MAGI2: variants seen among roughly 807,000 people sequenced by gnomAD.
MAGI2 encodes membrane associated guanylate kinase, WW and PDZ domain containing 2, also known as membrane-associated guanylate kinase, WW and PDZ domain-containing protein 2.
MAGI2 carries 35 observed loss-of-function variants against 133.3 expected under a neutral mutation model. That is an observed-to-expected ratio of 0.26 (90% CI 0.20 to 0.35). The LOEUF (loss-of-function observed/expected upper bound fraction) is 0.35. Among genes scored for constraint, MAGI2 ranks in the 10% least tolerant of loss-of-function variants. The probability of loss-of-function intolerance (pLI) is 1.00; values close to 1 mark genes in which losing one functional copy is unlikely to be tolerated. For synonymous variants in MAGI2, 729 were observed against 710.6 expected (o/e 1.03, Z -0.41); for missense variants, 1,636 against 1,863.4 (o/e 0.88, Z 2.25).
intron 2 of MAGI2, among the ~76,000 whole-genome samples, chr7:78,812,673 T>G (rs16886362): frequency 2.0e-5 from 3 of 152,106 alleles, no homozygotes; most frequent in Admixed American, 2.0e-4. Flanking sequence ...ACTGGAATAC[T>G]TGATGCTTTC....
intron 2 of MAGI2, among the ~76,000 whole-genome samples, chr7:78,628,377 A>G (rs952790113): frequency 5.3e-5 from 8 of 152,192 alleles, no homozygotes; most frequent in African/African-American, 1.7e-4. Flanking sequence ...ATGCTAAAAA[A>G]GTATTTTAAA....
At chr7:79,052,120 A>G (rs560581743) in intron 1 of MAGI2, among the ~76,000 whole-genome samples, 4 of 152,342 alleles carry the variant, frequency 2.6e-5, no homozygotes, top group Admixed American at 1.3e-4. Context: ...GGGAAAGTAC[A>G]GAAGACACAC....
At chr7:78,163,429 G>A (rs775421809) in intron 15 of MAGI2, among the ~76,000 whole-genome samples, 10 of 152,050 alleles carry the variant, frequency 6.6e-5, no homozygotes, top group East Asian at 1.9e-4. Flanking sequence ...GTGAGCCACC[G>A]TGCCTGGCCT....
intron 1 of MAGI2, among the ~76,000 whole-genome samples, chr7:79,096,785 CT>C (rs1249899923): frequency 1.3e-5 from 2 of 152,190 alleles, no homozygotes; most frequent in African/African-American, 4.8e-5. Flanking sequence ...TCTGCTACCC[CT>C]TCCTCCAGAG....
rs138400238 is a variant in MAGI2, at chr7:78,480,602, T to C, written c.1045+9159A>G. Among the ~76,000 whole-genome samples the C allele has an allele frequency of 2.4e-3, 368 of 152,078 alleles. 2 individuals are homozygous for C. Among genetic ancestry groups the C allele is most frequent in the African/African-American group, 8.5e-3 (353 of 41,544 alleles). On this transcript the variant is annotated intron_variant, in intron 6 of 21. Coordinates refer to ENST00000354212, the MANE Select transcript of MAGI2 (RefSeq NM_012301.4). ...AATATTTGAAAATCACTCAATGTAA[T>C]CTACCATGTCAACAGCTTAAATAAG...
At chr7:78,501,497 TTTC>T (rs199544808) in intron 5 of MAGI2, 77 bp downstream of exon 5, 1,715 of 1,245,508 alleles carry the variant, frequency 1.4e-3, no homozygotes, top group East Asian at 2.5e-3. Context: ...TTTTTTTTTT[TTTC>T]CACGTCTAAC....
intron 2 of MAGI2, among the ~76,000 whole-genome samples, chr7:78,826,433 A>AT (rs1233133197): frequency 6.6e-6 from 1 of 151,994 alleles, no homozygotes; most frequent in Non-Finnish European, 1.5e-5. Context: ...TAGGATCCTA[A>AT]TTTTTTGACA....
In MAGI2 at chr7:78,195,010, C is replaced by G. The variant is rs765541438; in HGVS notation, c.2133G>C (p.Pro711=). ...GGAAGGGCAGGTTCTGCGGTATGGC[C>G]GGAGCAGATAAACTCGTTTGAGGAC... ...QGSPQTSLSA[P]AIPQNLPFPP... The change falls in exon 12 of 22, where the codon CCG becomes CCC. Residue 711 remains proline, a synonymous_variant. Transcript: ENST00000354212. 6.2e-7 allele frequency: 1 copy of G among 1,613,812 alleles called. No homozygotes were observed. Among genetic ancestry groups the G allele is most frequent in the South Asian group, 1.1e-5 (1 of 91,028 alleles).
chr7:78,368,160 A>G (rs995028280), intron 7 of MAGI2, among the ~76,000 whole-genome samples: 2 of 152,232 alleles, frequency 1.3e-5, no homozygotes, highest in African/African-American at 4.8e-5. Flanking sequence ...TCAAGGGCAG[A>G]GAGCACACAG....
At chr7:78,288,583 T>C (rs1401627173) in intron 9 of MAGI2, among the ~76,000 whole-genome samples, 1 of 152,026 alleles carries the variant, frequency 6.6e-6, no homozygotes, top group Non-Finnish European at 1.5e-5. Flanking sequence ...CATTTCCAAC[T>C]GAGCTTTGAA....
At chr7:78,658,982 A>C (rs890022791) in intron 2 of MAGI2, among the ~76,000 whole-genome samples, 6 of 152,178 alleles carry the variant, frequency 3.9e-5, no homozygotes, top group African/African-American at 1.2e-4. Flanking sequence ...TCCCAGGGAA[A>C]TGACAAGTTA....
At chr7:79,434,729 G>A (rs1397394901) in intron 1 of MAGI2, among the ~76,000 whole-genome samples, 1 of 152,162 alleles carries the variant, frequency 6.6e-6, no homozygotes, top group Non-Finnish European at 1.5e-5. Context: ...GGTTCTTAAA[G>A]TGTGCGACGG....
At chr7:78,690,832 G>C (rs1816878360) in intron 2 of MAGI2, among the ~76,000 whole-genome samples, 1 of 152,110 alleles carries the variant, frequency 6.6e-6, no homozygotes, top group Non-Finnish European at 1.5e-5. Flanking sequence ...ACTCTAAATG[G>C]AGTACTCAGC....
chr7:78,828,123 G>A (rs1212855319), intron 2 of MAGI2, among the ~76,000 whole-genome samples: 1 of 152,130 alleles, frequency 6.6e-6, no homozygotes, highest in African/African-American at 2.4e-5. Flanking sequence ...GACCTCAAGT[G>A]ATCCACCCGC....
chr7:78,167,905 C>T lies in MAGI2; in HGVS notation c.2596+11G>A, dbSNP rs1237544618. 2.5e-6 allele frequency: 4 copies of T among 1,610,582 alleles called. No individual in the cohort carries two copies. Among genetic ancestry groups the T allele is most frequent in the East Asian group, 2.2e-5 (1 of 44,784 alleles). On this transcript the variant is annotated intron_variant, in intron 15 of 21. Transcript: ENST00000354212. Reference sequence around the variant, plus strand: ...AACCCTCGATTCCTGCAGCAGGCTCCAGGTACATACCTCCACATAGCACCT... The same window carrying T: ...AACCCTCGATTCCTGCAGCAGGCTCTAGGTACATACCTCCACATAGCACCT...
chr7:79,021,907 G>A (rs1809368612), intron 1 of MAGI2, among the ~76,000 whole-genome samples: 1 of 152,158 alleles, frequency 6.6e-6, no homozygotes, highest in Non-Finnish European at 1.5e-5. Context: ...GGGACCAGGT[G>A]GAGATAATTG....
At chr7:79,124,149 A>G (rs899508210) in intron 1 of MAGI2, among the ~76,000 whole-genome samples, 2 of 152,244 alleles carry the variant, frequency 1.3e-5, no homozygotes, top group Admixed American at 1.3e-4. Flanking sequence ...TTATCTCTAA[A>G]GAAATTCTAA....
intron 1 of MAGI2, among the ~76,000 whole-genome samples, chr7:79,223,097 G>A (rs1428348183): frequency 2.0e-5 from 3 of 151,982 alleles, no homozygotes; most frequent in African/African-American, 4.8e-5. Flanking sequence ...GTGTTAGCCA[G>A]GATGGTCTCG....
At chr7:79,256,713 A>T (rs1833709472) in intron 1 of MAGI2, among the ~76,000 whole-genome samples, 1 of 151,712 alleles carries the variant, frequency 6.6e-6, no homozygotes, top group Non-Finnish European at 1.5e-5. Flanking sequence ...CTAGTCTCAA[A>T]CTTCTGGGCT....
Sources: allele counts gnomAD v4.1 joint callset (sites outside exome capture counted in the v4.1 genomes callset), GRCh38; gene constraint gnomAD v4.1.1; transcripts MANE v1.5; gene names NCBI Gene and HGNC (gene_info 2026-07-23, HGNC 2026-07-21).